PXDN: variants seen among roughly 807,000 people sequenced by gnomAD.
PXDN encodes peroxidasin homolog.
A neutral mutation model predicts 140.3 loss-of-function variants in PXDN; 77 were observed. The observed-to-expected ratio is 0.55, with a 90% confidence interval of 0.46 to 0.66. PXDN has a LOEUF of 0.66. PXDN is among the 30% of genes least tolerant of loss of function. The pLI is 0.00. For synonymous variants in PXDN, 911 were observed against 857.4 expected (o/e 1.06, Z -1.09); for missense variants, 1,838 against 2,039.5 (o/e 0.90, Z 1.90).
intron 1 of PXDN, among the ~76,000 whole-genome samples, chr2:1,716,047 C>A (rs1333870204): frequency 2.0e-5 from 3 of 152,206 alleles, no homozygotes; most frequent in Non-Finnish European, 4.4e-5. Context: ...AGGCAACAGG[C>A]AGGCCTGGGG....
Position 1,744,445 on chromosome 2 carries a change from C to G in PXDN, c.11G>C (p.Arg4Pro). 1 of 1,489,588 alleles carries G rather than the reference C, an allele frequency of 6.7e-7. No homozygotes were observed. Among genetic ancestry groups the G allele is most frequent in the Non-Finnish European group, 8.9e-7 (1 of 1,126,906 alleles). The allele number at this position is 1,489,588 out of a possible 1,614,324, so 92.3% of individuals were successfully genotyped here. A position where few individuals can be genotyped will look rare whatever the true frequency, so the allele number is the denominator to read the frequency against. Residue 4 changes from arginine (R) to proline (P), a missense_variant, in exon 1 of 23, where the codon CGC becomes CCC. Arg to Pro is a moderately radical substitution (Grantham distance 103). Coordinates refer to ENST00000252804, the MANE Select transcript of PXDN (RefSeq NM_012293.3). ...GCAGCGGCGCCCGGGGCCCCTGGAGCGCTTGGCCATGGCCGACGGCGCGGA... is the reference window on the plus strand; with the variant it reads ...GCAGCGGCGCCCGGGGCCCCTGGAGGGCTTGGCCATGGCCGACGGCGCGGA... MAKRSRGPGRRCLL... is the reference protein window; with the variant it reads MAKPSRGPGRRCLL...
chr2:1,743,006 A>C (rs935294823), intron 1 of PXDN, among the ~76,000 whole-genome samples: 6 of 152,252 alleles, frequency 3.9e-5, no homozygotes, highest in African/African-American at 1.4e-4. Context: ...CTCAGCTAAG[A>C]AACGTGAAAA....
In PXDN at chr2:1,639,824, G is replaced by A. The variant is rs1030308; in HGVS notation, c.3953-402C>T. Among the ~76,000 whole-genome samples, 116,151 of 152,158 alleles carry A rather than the reference G, an allele frequency of 0.76. 45,608 individuals carry two copies. The highest frequency in any genetic ancestry group is 0.99 in the East Asian group (5,096 of 5,146). Reference sequence around the variant, plus strand: ...CAGATGACAATCTGCACTCTGGAGTGCCTTAAAATTATGCTACACTCCCTA... The same window carrying A: ...CAGATGACAATCTGCACTCTGGAGTACCTTAAAATTATGCTACACTCCCTA... On this transcript the variant is annotated intron_variant, in intron 19 of 22. Coordinates refer to ENST00000252804, the MANE Select transcript of PXDN (RefSeq NM_012293.3). This position sits in a 1 kb window ranked among gnomAD's most constrained non-coding sequence, Gnocchi z 5.0.
At chr2:1,734,928 A>G (rs1255261068) in intron 1 of PXDN, among the ~76,000 whole-genome samples, 1 of 152,228 alleles carries the variant, frequency 6.6e-6, no homozygotes, top group Non-Finnish European at 1.5e-5. Context: ...ATGGGAGTCA[A>G]ACCCTGCTAC....
intron 8 of PXDN, 147 bp downstream of exon 8, chr2:1,676,780 G>C: frequency 1.2e-6 from 1 of 818,242 alleles, no homozygotes; most frequent in Non-Finnish European, 2.0e-6. Context: ...ACCGGAAAAG[G>C]AGCAGAAATA....
chr2:1,658,056 CT>C lies in PXDN; in HGVS notation c.1837+2824del, dbSNP rs1558494314. Among the ~76,000 whole-genome samples, 265 of 131,250 alleles carry C rather than the reference CT, an allele frequency of 2.0e-3. 24 individuals are homozygous for C. The highest frequency in any genetic ancestry group is 4.4e-3 in the African/African-American group (144 of 32,542). The allele number at this position is 131,250 out of a possible 152,430, so 86.1% of individuals were successfully genotyped here. On this transcript the variant is annotated intron_variant, in intron 14 of 22. Coordinates refer to ENST00000252804, the MANE Select transcript of PXDN (RefSeq NM_012293.3). ...TCTCTCTCTCTCTCTCTCTCTCTCT[CT>C]CTCTCTCTCTCTCTCTCTCTCTCTC...
intron 1 of PXDN, among the ~76,000 whole-genome samples, chr2:1,716,556 G>C (rs368300714): frequency 1.8e-4 from 27 of 151,988 alleles, no homozygotes; most frequent in African/African-American, 6.5e-4. Flanking sequence ...TGGTTAAGGA[G>C]GACTAGCGTG....
Position 1,654,526 on chromosome 2 carries a change from C to A in PXDN, c.1838-18G>T. On this transcript the variant is annotated intron_variant, in intron 14 of 22. Coordinates refer to ENST00000252804, the MANE Select transcript of PXDN (RefSeq NM_012293.3). Reference sequence around the variant, plus strand: ...GTCAGGAACTAGGAAAATACAAAGTCGCGTATTACCAGGAAAAATACTGCA... The same window carrying A: ...GTCAGGAACTAGGAAAATACAAAGTAGCGTATTACCAGGAAAAATACTGCA... 1 of 1,555,672 alleles carries A rather than the reference C, an allele frequency of 6.4e-7. No individual in the cohort carries two copies. Among genetic ancestry groups the A allele is most frequent in the South Asian group, 1.1e-5 (1 of 89,660 alleles).
intron 1 of PXDN, among the ~76,000 whole-genome samples, chr2:1,721,795 CAGAG>C (rs1005109367): frequency 6.6e-6 from 1 of 151,242 alleles, no homozygotes; most frequent in African/African-American, 2.4e-5. Context: ...GCCTGGGAGA[CAGAG>C]AGAGACTCCG....
chr2:1,674,178 A>G (rs923160718), intron 8 of PXDN, among the ~76,000 whole-genome samples: 6 of 152,218 alleles, frequency 3.9e-5, no homozygotes, highest in Non-Finnish European at 7.3e-5. Flanking sequence ...ACATTTTTAC[A>G]TTACTAAAAG....
chr2:1,721,315 A>C (rs1276934463), intron 1 of PXDN, among the ~76,000 whole-genome samples: 1 of 152,202 alleles, frequency 6.6e-6, no homozygotes, highest in Non-Finnish European at 1.5e-5. Context: ...GAACGGGAAT[A>C]GTTTCAACAA....
At chr2:1,680,659 A>G (rs369978333) in intron 6 of PXDN, among the ~76,000 whole-genome samples, 1 of 152,148 alleles carries the variant, frequency 6.6e-6, no homozygotes, top group African/African-American at 2.4e-5. Context: ...TCGGGTGTCG[A>G]GCTCAAGGCG....
At chr2:1,741,707 A>C (rs1685549489) in intron 1 of PXDN, among the ~76,000 whole-genome samples, 1 of 152,148 alleles carries the variant, frequency 6.6e-6, no homozygotes, top group Admixed American at 6.5e-5. Flanking sequence ...TGGTTGGATG[A>C]GCCAACTAAC....
intron 1 of PXDN, among the ~76,000 whole-genome samples, chr2:1,716,778 T>G (rs1684906946): frequency 6.6e-6 from 1 of 152,056 alleles, no homozygotes; most frequent in Non-Finnish European, 1.5e-5. Context: ...GGGTAACCGC[T>G]CCAGACACAC....
chr2:1,695,234 C>T (rs1684274906), intron 1 of PXDN, among the ~76,000 whole-genome samples: 1 of 152,236 alleles, frequency 6.6e-6, no homozygotes, highest in Non-Finnish European at 1.5e-5. Flanking sequence ...AGGCCTTTCC[C>T]CAGATCTGAA....
intron 16 of PXDN, among the ~76,000 whole-genome samples, chr2:1,650,354 G>A (rs1398158486): frequency 6.6e-6 from 1 of 152,208 alleles, no homozygotes; most frequent in African/African-American, 2.4e-5. Context: ...CCCACAGCAA[G>A]CGCACGCTCC....
intron 1 of PXDN, among the ~76,000 whole-genome samples, chr2:1,713,163 C>G (rs1684822266): frequency 6.6e-6 from 1 of 152,148 alleles, no homozygotes; most frequent in East Asian, 1.9e-4. Flanking sequence ...TGCACAAGGC[C>G]CCTGCCACCC....
At chr2:1,689,116 C>T (rs1016728051) in intron 3 of PXDN, among the ~76,000 whole-genome samples, 8 of 152,228 alleles carry the variant, frequency 5.3e-5, no homozygotes, top group African/African-American at 1.7e-4. Flanking sequence ...AGGCCGCATA[C>T]GTGGGAATCC....
chr2:1,646,153 T>C (rs12617409), intron 17 of PXDN: 136,508 of 152,310 alleles, frequency 0.9, 61,258 homozygotes, highest in East Asian at 1. Flanking sequence ...CCATGGTCTC[T>C]GATGGTCATG....
Sources: allele counts gnomAD v4.1 joint callset (sites outside exome capture counted in the v4.1 genomes callset), GRCh38; gene constraint gnomAD v4.1.1; non-coding constraint Gnocchi (gnomAD v3.1); transcripts MANE v1.5; gene names NCBI Gene and HGNC (gene_info 2026-07-23, HGNC 2026-07-21).